Variants in GALNT2 observed in about 807,000 individuals in gnomAD.
The protein encoded by GALNT2 is polypeptide N-acetylgalactosaminyltransferase 2, also known as UDP-GalNAc:polypeptide N-acetylgalactosaminyltransferase 2.
GALNT2 carries 31 observed loss-of-function variants against 81.4 expected under a neutral mutation model. That is an observed-to-expected ratio of 0.38 (90% CI 0.29 to 0.51). The LOEUF (loss-of-function observed/expected upper bound fraction) is 0.51. Among genes scored for constraint, GALNT2 ranks in the 20% least tolerant of loss-of-function variants. GALNT2 has a pLI of 0.87. For missense variants in GALNT2, 629 were observed against 765.7 expected, an observed-to-expected ratio of 0.82 and a Z score of 2.11; for synonymous variants, 303 against 287.4, an observed-to-expected ratio of 1.05 and a Z score of -0.55.
At chr1:230,141,411 CA>C (rs1558105555) in intron 1 of GALNT2, among the ~76,000 whole-genome samples, 1 of 152,212 alleles carries the variant, frequency 6.6e-6, no homozygotes, top group East Asian at 1.9e-4. Context: ...TTTCATCTTG[CA>C]AAACTGAAAC....
At chr1:230,225,241 C>CT (rs1434681232) in intron 3 of GALNT2, among the ~76,000 whole-genome samples, 1 of 152,114 alleles carries the variant, frequency 6.6e-6, no homozygotes, top group Non-Finnish European at 1.5e-5. Context: ...TTCCATTTTC[C>CT]TTTTTTTGGC....
chr1:230,270,470 T>TACAA (rs1235609961), intron 14 of GALNT2, among the ~76,000 whole-genome samples: 1 of 152,266 alleles, frequency 6.6e-6, no homozygotes, highest in African/African-American at 2.4e-5. Context: ...AACTGGGCAC[T>TACAA]TGAAATATGA....
intron 3 of GALNT2, among the ~76,000 whole-genome samples, chr1:230,211,254 CTG>C: frequency 6.6e-6 from 1 of 152,228 alleles, no homozygotes; most frequent in East Asian, 1.9e-4. Flanking sequence ...AACTCCAACT[CTG>C]TATGCCGCAC....
chr1:230,245,471 AAAAC>A (rs1377509732), intron 7 of GALNT2, among the ~76,000 whole-genome samples: 4 of 149,806 alleles, frequency 2.7e-5, no homozygotes, highest in African/African-American at 5.0e-5. Context: ...TCTCAAAAAA[AAAAC>A]AAAACAAAAA....
intron 3 of GALNT2, among the ~76,000 whole-genome samples, chr1:230,205,031 G>A (rs1664017791): frequency 6.6e-6 from 1 of 152,238 alleles, no homozygotes. Flanking sequence ...CAGGAAGAAG[G>A]AAGTGCAGAA....
At chr1:230,195,744 G>A (rs946463435) in intron 2 of GALNT2, among the ~76,000 whole-genome samples, 3 of 152,070 alleles carry the variant, frequency 2.0e-5, no homozygotes, top group African/African-American at 7.2e-5. Context: ...TGCTGTGCCC[G>A]CACCGCCACA....
intron 1 of GALNT2, among the ~76,000 whole-genome samples, chr1:230,085,278 G>A (rs762857912): frequency 6.6e-6 from 1 of 152,158 alleles, no homozygotes; most frequent in Non-Finnish European, 1.5e-5. Context: ...TAAGGAATCC[G>A]GGAGTGGCCA....
chr1:230,128,460 T>C (rs1487002925), intron 1 of GALNT2, among the ~76,000 whole-genome samples: 1 of 152,112 alleles, frequency 6.6e-6, no homozygotes, highest in Non-Finnish European at 1.5e-5. Context: ...GCATGGCTGC[T>C]TATTAAATTC....
intron 2 of GALNT2, among the ~76,000 whole-genome samples, chr1:230,185,287 T>C (rs1303912744): frequency 1.8e-5 from 2 of 113,922 alleles, no homozygotes; most frequent in Admixed American, 8.5e-5. Context: ...TGTGTGTGTG[T>C]GTGTGTGTGT....
At chr1:230,145,399 C>T (rs1331975010) in intron 1 of GALNT2, among the ~76,000 whole-genome samples, 1 of 152,242 alleles carries the variant, frequency 6.6e-6, no homozygotes, top group African/African-American at 2.4e-5. Flanking sequence ...GAAATCCTGT[C>T]TTCCCCCAAG....
chr1:230,270,225 A>G (rs1666132869), intron 14 of GALNT2, among the ~76,000 whole-genome samples: 1 of 152,172 alleles, frequency 6.6e-6, no homozygotes, highest in Non-Finnish European at 1.5e-5. Flanking sequence ...AAATTTTTAA[A>G]AAATAGGAGT....
intron 2 of GALNT2, 123 bp from the exon 3 acceptor site, chr1:230,203,014 A>C: frequency 1.9e-6 from 2 of 1,057,996 alleles, no homozygotes; most frequent in Non-Finnish European, 2.8e-6. Flanking sequence ...TTTGTTGTTT[A>C]AAATGGCCAC....
At position 230,255,302 on chromosome 1, in the gene GALNT2, A is replaced by T; in HGVS notation, c.1094A>T (p.His365Leu). Residue 365 changes from histidine to leucine, a missense_variant, in exon 11 of 16, where the codon CAC (histidine) becomes CTC (leucine). By Grantham distance (99) the His-to-Leu change is moderately conservative. Coordinates refer to ENST00000366672, the MANE Select transcript of GALNT2 (RefSeq NM_004481.5). ...GTGGGACACGTGTTCCGGAAGCAGC[A>T]CCCCTACACGTTCCCGGGTGGCAGT... ...SRVGHVFRKQ[H>L]PYTFPGGSGT... 1 of 1,614,066 alleles carries T rather than the reference A, an allele frequency of 6.2e-7. No individual in the cohort carries two copies. Among genetic ancestry groups the T allele is most frequent in the Non-Finnish European group, 8.5e-7 (1 of 1,180,004 alleles).
At chr1:230,077,463 A>G (rs1014550142) in intron 1 of GALNT2, among the ~76,000 whole-genome samples, 1 of 152,252 alleles carries the variant, frequency 6.6e-6, no homozygotes, top group Non-Finnish European at 1.5e-5. Context: ...AAGAAAAAAC[A>G]CTGTCCATTG....
intron 3 of GALNT2, among the ~76,000 whole-genome samples, chr1:230,228,717 C>G (rs1374363063): frequency 6.6e-6 from 1 of 151,972 alleles, no homozygotes; most frequent in South Asian, 2.1e-4. Flanking sequence ...TTCATGGCTC[C>G]TCGGGCATGT....
At chr1:230,169,322 TC>T (rs1378545814) in intron 1 of GALNT2, among the ~76,000 whole-genome samples, 4 of 152,210 alleles carry the variant, frequency 2.6e-5, no homozygotes, top group African/African-American at 9.6e-5. Context: ...ATAGAGTGGT[TC>T]TTACATTTTC....
In GALNT2 at chr1:230,273,679, A is replaced by G. The variant is rs558363206; in HGVS notation, c.1441-766A>G. Among the ~76,000 whole-genome samples the G allele has an allele frequency of 3.3e-5, 5 of 152,296 alleles. No individual in the cohort carries two copies. In the South Asian group the frequency reaches 1.0e-3, roughly 32 times the overall value. ...GCCTTTAACTTGTGTGTGTTTGTAC[A>G]TATATGTGTGTGTTTGTTTGTTAAC... On this transcript the variant is annotated intron_variant, in intron 14 of 15. Transcript: ENST00000366672.
chr1:230,201,515 A>G (rs979237845), intron 2 of GALNT2, among the ~76,000 whole-genome samples: 3 of 152,226 alleles, frequency 2.0e-5, no homozygotes, highest in African/African-American at 2.4e-5. Context: ...TGGCCCTTCA[A>G]TTGTGTAATG....
intron 1 of GALNT2, among the ~76,000 whole-genome samples, chr1:230,114,067 C>A (rs1420925661): frequency 1.5e-4 from 23 of 152,048 alleles, no homozygotes; most frequent in Non-Finnish European, 1.5e-5. Context: ...TAAGGAAAGC[C>A]GTTTTTGACG....
Sources: allele counts gnomAD v4.1 joint callset (sites outside exome capture counted in the v4.1 genomes callset), GRCh38; gene constraint gnomAD v4.1.1; transcripts MANE v1.5; gene names NCBI Gene and HGNC (gene_info 2026-07-23, HGNC 2026-07-21).